SPTBN4: variants seen among roughly 807,000 people sequenced by gnomAD.
The protein encoded by SPTBN4 is spectrin beta, non-erythrocytic 4.
Under a neutral mutation model 277.8 loss-of-function variants are expected in SPTBN4, and 96 were observed. The observed-to-expected ratio is 0.35, with a 90% CI of 0.29 to 0.41. The LOEUF (loss-of-function observed/expected upper bound fraction) is 0.41. Ranked by LOEUF, SPTBN4 falls within the 10% of genes least tolerant of loss-of-function variation. SPTBN4 has a pLI of 1.00. For missense variants in SPTBN4, 3,006 were observed against 3,595.7 expected, an observed-to-expected ratio of 0.84 and a Z score of 4.19; for synonymous variants, 1,481 against 1,580.3, an observed-to-expected ratio of 0.94 and a Z score of 1.49.
At chr19:40,567,253 T>C (rs558102941) in intron 30 of SPTBN4, 4 of 306,160 alleles carry the variant, frequency 1.3e-5, no homozygotes, top group African/African-American at 8.8e-5. Flanking sequence ...AGCTATGATC[T>C]TGCTGCTTGC....
Position 40,565,488 on chromosome 19 carries a change from G to A in SPTBN4, c.5981G>A (p.Arg1994Gln), listed in dbSNP as rs201532386. 3.8e-5 allele frequency: 62 copies of A among 1,613,940 alleles called. No homozygotes were observed. Among genetic ancestry groups the A allele is most frequent in the Middle Eastern group, 1.6e-4 (1 of 6,084 alleles). ...GGCCTGAAGACTGAGCTGGAGGCGC[G>A]GGTGCCTGAGCTGACCACCTGCCAG... ...HQGLKTELEA[R>Q]VPELTTCQEL... Residue 1994 changes from arginine (R) to glutamine (Q), a missense_variant, in exon 28 of 36, where the codon CGG (arginine) becomes CAG (glutamine). By Grantham distance (43) the Arg-to-Gln change is conservative (BLOSUM62 1). Transcript: ENST00000598249.
chr19:40,500,145 G>T (rs981888768), intron 7 of SPTBN4, among the ~76,000 whole-genome samples: 2 of 147,508 alleles, frequency 1.4e-5, no homozygotes, highest in African/African-American at 5.1e-5. Context: ...GGAGTTCGAG[G>T]CTGCAGTGAG....
In SPTBN4 at chr19:40,567,761, G is replaced by C. The variant is rs769829389; in HGVS notation, c.6435G>C (p.Ala2145=). 2.6e-6 allele frequency: 4 copies of C among 1,539,432 alleles called. No homozygotes were observed. The highest frequency in any genetic ancestry group is 3.5e-6 in the Non-Finnish European group (4 of 1,143,204). ...CCACGGAACTGGCGGCCAAGGCGGC[G>C]CCCCTGCTGCGGCCAGGGGGCTATG... ...GDPTELAAKA[A]PLLRPGGYER... The change falls in exon 31 of 36, where the codon GCG becomes GCC. Residue 2145 remains alanine (A), a synonymous_variant. Coordinates refer to ENST00000598249, the MANE Select transcript of SPTBN4 (RefSeq NM_020971.3).
At chr19:40,478,467 C>T (rs553044380) in intron 2 of SPTBN4, among the ~76,000 whole-genome samples, 1 of 152,258 alleles carries the variant, frequency 6.6e-6, no homozygotes, top group South Asian at 2.1e-4. Flanking sequence ...GAATTGAAGG[C>T]AGTGATCTAT....
rs1209121997 is a variant in SPTBN4, at chr19:40,566,076, G to A, written c.6140-87G>A. 10 of 1,355,156 alleles carry A rather than the reference G, an allele frequency of 7.4e-6. No individual in the cohort carries two copies. The Admixed American group carries it at 2.0e-4, about 27-fold the overall frequency. 83.9% of individuals were successfully genotyped at this position (1,355,156 alleles called of 1,614,324 possible). A position where few individuals can be genotyped will look rare whatever the true frequency, so the allele number is the denominator to read the frequency against. ...CAGGGCTCGGGTATGGAAAGCCGGA[G>A]GGGTGTGGAAGGCCAGGGGAACAGC... On this transcript the variant is annotated intron_variant, in intron 29 of 35. Coordinates refer to ENST00000598249, the MANE Select transcript of SPTBN4 (RefSeq NM_020971.3).
At position 40,519,952 on chromosome 19, in the gene SPTBN4, C is replaced by A; in HGVS notation, c.3455C>A (p.Ala1152Asp). The A allele has an allele frequency of 1.3e-6, 2 of 1,541,862 alleles. No individual in the cohort carries two copies. The highest frequency in any genetic ancestry group is 8.7e-7 in the Non-Finnish European group (1 of 1,151,774). Residue 1152 changes from alanine (A) to aspartate (D), a missense_variant, in exon 16 of 36, where the codon GCC (alanine) becomes GAC (aspartate). By Grantham distance (126) the Ala-to-Asp change is moderately radical. Transcript: ENST00000598249. This position sits in a 1 kb window ranked among gnomAD's most constrained non-coding sequence, Gnocchi z 5.7. The part of the protein sequence containing the change: ...REEDYARIVA[A>D]SEALLAADGA... ...GAAGACTATGCTCGCATCGTGGCGG[C>A]CAGCGAGGCGCTGCTGGCCGCCGAC...
At chr19:40,566,434 GAC>G (rs1232319714) in intron 30 of SPTBN4, 75 bp downstream of exon 30, 2 of 1,295,380 alleles carry the variant, frequency 1.5e-6, no homozygotes, top group African/African-American at 1.5e-5. Context: ...ATATGAGACA[GAC>G]ACACCGAGAC....
intron 2 of SPTBN4, among the ~76,000 whole-genome samples, chr19:40,486,371 CTTT>C (rs540832411): frequency 2.8e-5 from 4 of 141,408 alleles, no homozygotes; most frequent in Admixed American, 7.2e-5. Context: ...GGTGCAGCAA[CTTT>C]TTTTTTTTTT....
intron 20 of SPTBN4, among the ~76,000 whole-genome samples, chr19:40,544,829 T>G (rs977652051): frequency 6.6e-6 from 1 of 151,846 alleles, no homozygotes; most frequent in Non-Finnish European, 1.5e-5. Flanking sequence ...TCTTTTTTAT[T>G]TTTTATTTTT....
Position 40,504,147 on chromosome 19 carries a change from G to GCCCCCCCC in SPTBN4, c.1665+16_1665+17insCCCCCCCC. On this transcript the variant is annotated intron_variant, in intron 12 of 35. Transcript: ENST00000598249. ...AGGAGATGCAGGTGCCGGCGGGGGGGCGGGGATGCGGGTGGAGTGCCAGGA... is the reference window on the plus strand; with the variant it reads ...AGGAGATGCAGGTGCCGGCGGGGGGGCCCCCCCCCGGGGATGCGGGTGGAGTGCCAGGA... The GCCCCCCCC allele has an allele frequency of 1.9e-6, 2 of 1,047,654 alleles. No homozygotes were observed. Among genetic ancestry groups the GCCCCCCCC allele is most frequent in the African/African-American group, 2.0e-5 (1 of 51,122 alleles). The allele number at this position is 1,047,654 out of a possible 1,614,324, so 64.9% of individuals were successfully genotyped here.
At chr19:40,476,219 C>CCT (rs1485738667) in intron 2 of SPTBN4, among the ~76,000 whole-genome samples, 1 of 151,834 alleles carries the variant, frequency 6.6e-6, no homozygotes, top group Non-Finnish European at 1.5e-5. Context: ...GTGGCGCGTG[C>CCT]CTCTAATCCC....
Position 40,519,834 on chromosome 19 carries a change from G to T in SPTBN4, c.3337G>T (p.Gly1113Cys). The change falls in exon 16 of 36, where the codon GGC becomes TGC. Residue 1113 changes from glycine (G) to cysteine (C), a missense_variant. By Grantham distance (159) the Gly-to-Cys change is radical (BLOSUM62 -3). Coordinates refer to ENST00000598249, the MANE Select transcript of SPTBN4 (RefSeq NM_020971.3). The surrounding 1 kb of genome is among the most constrained non-coding windows in gnomAD (Gnocchi z 5.7). ...CGTGCGCGCCCAGGAGGCGGCGGGC[G>T]GCAGCGAGGGGCCCCTGCCCAACAG... ...WLVRAQEAAG[G>C]SEGPLPNSLE... 1 of 1,433,936 alleles carries T rather than the reference G, an allele frequency of 7.0e-7. No individual in the cohort carries two copies. Among genetic ancestry groups the T allele is most frequent in the African/African-American group, 1.5e-5 (1 of 66,472 alleles). 88.8% of individuals were successfully genotyped at this position (1,433,936 alleles called of 1,614,324 possible).
Position 40,503,887 on chromosome 19 carries a change from A to G in SPTBN4, c.1420A>G (p.Ile474Val), listed in dbSNP as rs562800085. 3.1e-6 allele frequency: 5 copies of G among 1,610,640 alleles called. No homozygotes were observed. The East Asian group carries it at 1.1e-4, about 36-fold the overall frequency. ...VEAAMKKHEA[I>V]EADIAAYEER... ...GGCAGCCATGAAGAAACACGAAGCG[A>G]TCGAGGCAGACATTGCGGCCTACGA... is the stretch of plus-strand genomic sequence containing the variant. Residue 474 changes from isoleucine (I) to valine (V), a missense_variant, in exon 12 of 36, where the codon ATC (isoleucine) becomes GTC (valine). Around this residue, in one of 5 missense-constraint regions of SPTBN4, gnomAD observed 1,759 missense variants for 2,061.5 expected, o/e 0.85. Transcript: ENST00000598249.
chr19:40,506,137 T>A, intron 12 of SPTBN4, 99 bp from the exon 13 acceptor site: 1 of 1,431,380 alleles, frequency 7.0e-7, no homozygotes. Flanking sequence ...GAGTCGGGAG[T>A]GATGGTGCAG....
At chr19:40,501,896 T>C in intron 7 of SPTBN4, 25 bp from the exon 8 acceptor site, 1 of 1,606,806 alleles carries the variant, frequency 6.2e-7, no homozygotes, top group Non-Finnish European at 8.5e-7. Flanking sequence ...CACTGTCTTG[T>C]TTCCCCACTC....
At position 40,481,193 on chromosome 19, in the gene SPTBN4, G is replaced by A. The variant is rs151074823; in HGVS notation, c.170-6504G>A. On this transcript the variant is annotated intron_variant, in intron 2 of 35. Transcript: ENST00000598249. ...GTGAAGCTGTCCAATCATAGAGTAA[G>A]GGTATATATTTTATTTTACATATAT... is the stretch of plus-strand genomic sequence containing the variant. Among the ~76,000 whole-genome samples, 1,108 of 152,228 alleles carry A rather than the reference G, an allele frequency of 7.3e-3. 10 individuals are homozygous for A. Among genetic ancestry groups the A allele is most frequent in the African/African-American group, 0.025 (1,043 of 41,532 alleles).
At chr19:40,518,344 G>A (rs1599757663) in intron 15 of SPTBN4, among the ~76,000 whole-genome samples, 1 of 152,080 alleles carries the variant, frequency 6.6e-6, no homozygotes, top group East Asian at 1.9e-4. Context: ...AACTATTGAG[G>A]ACCCCAAGAG....
intron 15 of SPTBN4, among the ~76,000 whole-genome samples, chr19:40,517,107 T>C (rs2080469453): frequency 6.6e-6 from 1 of 152,156 alleles, no homozygotes; most frequent in African/African-American, 2.4e-5. Context: ...TCCTGAGCTG[T>C]AGCTGTTTAT....
intron 22 of SPTBN4, among the ~76,000 whole-genome samples, chr19:40,550,684 G>T (rs1275496527): frequency 2.0e-5 from 3 of 151,464 alleles, no homozygotes; most frequent in Non-Finnish European, 4.4e-5. Flanking sequence ...TGTATTTTTA[G>T]TAGAGATGGA....
Sources: allele counts gnomAD v4.1 joint callset (sites outside exome capture counted in the v4.1 genomes callset), GRCh38; gene constraint gnomAD v4.1.1; regional missense constraint gnomAD v4.1.1; non-coding constraint Gnocchi (gnomAD v3.1); transcripts MANE v1.5; gene names NCBI Gene and HGNC (gene_info 2026-07-23, HGNC 2026-07-21).